The following AMZ1 variants were observed in gnomAD, a reference collection of about 807,000 sequenced individuals.
AMZ1 encodes the protein archaelysin family metallopeptidase 1, also known as archaemetzincin-1.
A neutral mutation model predicts 29.9 loss-of-function variants in AMZ1; 39 were observed. The ratio of observed to expected loss-of-function variants is 1.30; its 90% CI spans 1.01 to 1.70. The LOEUF (loss-of-function observed/expected upper bound fraction) is 1.70, where lower values mean the gene tolerates loss of function less well. AMZ1 is among the 40% of genes most tolerant of loss of function. The probability of loss-of-function intolerance (pLI) is 0.00; values close to 1 mark genes in which losing one functional copy is unlikely to be tolerated. For missense variants in AMZ1, 1,041 were observed against 680.6 expected (o/e 1.53, Z -5.89); for synonymous variants, 458 against 304.0 (o/e 1.51, Z -5.27).
intron 1 of AMZ1, among the ~76,000 whole-genome samples, chr7:2,691,717 C>G (rs1354304442): frequency 8.2e-6 from 1 of 122,044 alleles, no homozygotes; most frequent in Non-Finnish European, 1.6e-5. Flanking sequence ...GGTGACAGAG[C>G]AAGGCTCCGT....
upstream of AMZ1, among the ~76,000 whole-genome samples, chr7:2,687,921 T>C (rs1306882291): frequency 6.6e-6 from 1 of 152,034 alleles, no homozygotes; most frequent in Admixed American, 6.5e-5. Flanking sequence ...CCTTGCAGAG[T>C]AGCCGGGTTT....
chr7:2,703,313 G>A (rs1788169307), intron 3 of AMZ1, among the ~76,000 whole-genome samples: 1 of 152,080 alleles, frequency 6.6e-6, no homozygotes, highest in African/African-American at 2.4e-5. Context: ...GCTAATTTTT[G>A]TATTTTTAGT....
chr7:2,731,857 C>A lies in AMZ1; in HGVS notation n.550+22041C>A. ...TAAGAAGGAAAGAGACTGACTTTTG[C>A]AACAGGTTGAACCAGAAACCAAAAG... On this transcript the variant is annotated intron_variant and non_coding_transcript_variant, in intron 4 of 4. Transcript: ENST00000489665. The surrounding 1 kb of genome is among the most constrained non-coding windows in gnomAD (Gnocchi z 6.0). The A allele has an allele frequency of 1.7e-6, 1 of 604,416 alleles. No homozygotes were observed. Among genetic ancestry groups the A allele is most frequent in the South Asian group, 3.3e-5 (1 of 30,680 alleles). 37.4% of individuals were successfully genotyped at this position (604,416 alleles called of 1,614,324 possible). A position where few individuals can be genotyped will look rare whatever the true frequency, so the allele number is the denominator to read the frequency against.
At chr7:2,691,074 A>G (rs7810697) in intron 1 of AMZ1, among the ~76,000 whole-genome samples, 73,135 of 143,698 alleles carry the variant, frequency 0.51, 19,846 homozygotes, top group East Asian at 0.78. Context: ...CCTGGAGGAG[A>G]AGGAGGTTGC....
In AMZ1 at chr7:2,718,724, T is replaced by G. The variant is rs1162798011; in HGVS notation, c.*5846T>G. On this transcript the variant is annotated 3_prime_UTR_variant, in exon 7 of 7. Transcript: ENST00000683327. ...GTCCCTTCTAACAGGACAGGGCTTG[T>G]GCAGCCGGGCTTGGTCTTGTGGTCA... Among the ~76,000 whole-genome samples, 2 of 152,204 alleles carry G rather than the reference T, an allele frequency of 1.3e-5. No homozygotes were observed. Among genetic ancestry groups the G allele is most frequent in the East Asian group, 1.9e-4 (1 of 5,194 alleles).
At chr7:2,683,735 G>C (rs1219088014), upstream of AMZ1, among the ~76,000 whole-genome samples, 4 of 152,060 alleles carry the variant, frequency 2.6e-5, no homozygotes, top group Admixed American at 6.5e-5. Flanking sequence ...ACCGCGCCCA[G>C]CTCTGTCTGT....
At position 2,713,659 on chromosome 7, in the gene AMZ1, G is replaced by C. The variant is rs80191207; in HGVS notation, c.*781G>C. 19,084 of 152,508 alleles carry C rather than the reference G, an allele frequency of 0.13. 1,238 individuals are homozygous for C. The highest frequency in any genetic ancestry group is 0.16 in the South Asian group (781 of 4,816). The allele number at this position is 152,508 out of a possible 1,614,324, so 9.4% of individuals were successfully genotyped here. The stretch of plus-strand genomic sequence containing the variant: ...ACCACATGCACACACACACTGTCAC[G>C]TTCTGTGGCGCTAACAGCATCCTGA... On this transcript the variant is annotated 3_prime_UTR_variant, in exon 7 of 7. Transcript: ENST00000683327.
intron 4 of AMZ1, among the ~76,000 whole-genome samples, chr7:2,726,138 C>G (rs923645907): frequency 2.0e-5 from 3 of 152,234 alleles, no homozygotes; most frequent in African/African-American, 4.8e-5. Flanking sequence ...ATGCACCTTA[C>G]AGAGAAATGG....
intron 2 of AMZ1, 96 bp downstream of exon 2, chr7:2,700,851 G>A: frequency 6.8e-7 from 1 of 1,469,362 alleles, no homozygotes; most frequent in Admixed American, 2.0e-5. Context: ...AGGCAGGACT[G>A]AAATGAGGGA....
chr7:2,696,013 G>C (rs4719632), intron 1 of AMZ1, among the ~76,000 whole-genome samples: 2 of 107,148 alleles, frequency 1.9e-5, no homozygotes, highest in Non-Finnish European at 4.2e-5. Flanking sequence ...TCTTGGGGGG[G>C]AAAAAAAAAA....
At chr7:2,741,615 G>C (rs3846991) in intron 4 of AMZ1, among the ~76,000 whole-genome samples, 46,511 of 151,882 alleles carry the variant, frequency 0.31, 7,161 homozygotes, top group Middle Eastern at 0.34. Flanking sequence ...ATAGTACAAA[G>C]AGCTCATACA....
upstream of AMZ1, among the ~76,000 whole-genome samples, chr7:2,687,844 G>T (rs375591060): frequency 6.6e-5 from 10 of 151,278 alleles, no homozygotes; most frequent in East Asian, 3.9e-4. Context: ...TCCTCACCTC[G>T]TGGCGCTGGT....
At chr7:2,683,888 A>C (rs375066588), upstream of AMZ1, among the ~76,000 whole-genome samples, 136 of 151,824 alleles carry the variant, frequency 9.0e-4, no homozygotes, top group African/African-American at 3.2e-3. Flanking sequence ...TCTTTTTAAA[A>C]AATTGTTGGC....
chr7:2,693,028 T>C (rs1009186586), intron 1 of AMZ1, among the ~76,000 whole-genome samples: 3 of 152,190 alleles, frequency 2.0e-5, no homozygotes, highest in African/African-American at 4.8e-5. Flanking sequence ...GAGCCCACTG[T>C]GATCACCCTC....
chr7:2,733,624 G>T lies in AMZ1; in HGVS notation n.550+23808G>T, dbSNP rs893444730. The stretch of plus-strand genomic sequence containing the variant: ...CCTCCGTGTGAATGGGAAAGCAAAG[G>T]AAAAAGGCAGAGAGTGTCCGTGTGT... On this transcript the variant is annotated intron_variant and non_coding_transcript_variant, in intron 4 of 4. Coordinates refer to the AMZ1 transcript ENST00000489665. 7 of 713,408 alleles carry T rather than the reference G, an allele frequency of 9.8e-6. No individual in the cohort carries two copies. In the South Asian group the frequency reaches 1.1e-4, roughly 11 times the overall value. 44.2% of individuals were successfully genotyped at this position (713,408 alleles called of 1,614,324 possible). A position where few individuals can be genotyped will look rare whatever the true frequency, so the allele number is the denominator to read the frequency against.
intron 4 of AMZ1, among the ~76,000 whole-genome samples, chr7:2,753,501 T>C (rs79995684): frequency 0.012 from 1,770 of 152,326 alleles, 36 homozygotes; most frequent in African/African-American, 0.04. Flanking sequence ...CTGCTCACAC[T>C]GTTGCATCTG....
chr7:2,704,091 G>A (rs1280823871), intron 3 of AMZ1, among the ~76,000 whole-genome samples: 6 of 152,116 alleles, frequency 3.9e-5, no homozygotes, highest in Admixed American at 1.3e-4. Flanking sequence ...GGATTTCACC[G>A]TGTTAGCCAG....
chr7:2,736,474 G>T, intron 4 of AMZ1, among the ~76,000 whole-genome samples: 1 of 152,216 alleles, frequency 6.6e-6, no homozygotes, highest in Non-Finnish European at 1.5e-5. Flanking sequence ...GAATGTGTCT[G>T]TCCTCTCACG....
intron 6 of AMZ1, 84 bp downstream of exon 6, chr7:2,709,900 T>C (rs1788656473): frequency 2.6e-6 from 4 of 1,545,512 alleles, no homozygotes; most frequent in Non-Finnish European, 3.5e-6. Context: ...ACGCAGGGCA[T>C]GGGGACCGCA....
Sources: gnomAD v4.1 joint callset for allele counts (sites outside exome capture counted in the v4.1 genomes callset) on GRCh38, gnomAD v4.1.1 for gene constraint, Gnocchi (gnomAD v3.1) non-coding constraint, MANE v1.5 for transcripts, NCBI Gene and HGNC (gene_info 2026-07-23, HGNC 2026-07-21) for gene names.